SDK2: variants seen among roughly 807,000 people sequenced by gnomAD.
SDK2 encodes the protein protein sidekick-2.
SDK2 carries 105 observed loss-of-function variants against 253.9 expected under a neutral mutation model. That is an observed-to-expected ratio of 0.41 (90% CI 0.35 to 0.49). SDK2 has a LOEUF of 0.49. Among genes scored for constraint, SDK2 ranks in the 20% least tolerant of loss-of-function variants. SDK2 has a pLI of 0.06. For missense variants in SDK2, 2,608 were observed against 3,003.0 expected, an observed-to-expected ratio of 0.87 and a Z score of 3.07; for synonymous variants, 1,249 against 1,234.9, an observed-to-expected ratio of 1.01 and a Z score of -0.24.
At chr17:73,497,181 A>T (rs2063848319) in intron 2 of SDK2, among the ~76,000 whole-genome samples, 1 of 152,202 alleles carries the variant, frequency 6.6e-6, no homozygotes, top group African/African-American at 2.4e-5. Context: ...TATAGGCGTG[A>T]GCCACTGCGC....
At chr17:73,598,530 A>C (rs1012210589) in intron 1 of SDK2, among the ~76,000 whole-genome samples, 4 of 152,252 alleles carry the variant, frequency 2.6e-5, no homozygotes, top group African/African-American at 9.6e-5. Flanking sequence ...TTCCCTGGGG[A>C]TGCAGCTCTG....
rs1015647385 is a variant in SDK2 at position 73,609,310 on chromosome 17, A to G, written c.64+34715T>C. ...GGTGGGTACTCATGGAAAGGAGGAGAGAGCCCAGAACTGAGTCCAGAACGC... is the reference window on the plus strand; with the variant it reads ...GGTGGGTACTCATGGAAAGGAGGAGGGAGCCCAGAACTGAGTCCAGAACGC... On this transcript the variant is annotated intron_variant, in intron 1 of 44. Transcript: ENST00000392650. This position sits in a 1 kb window ranked among gnomAD's most constrained non-coding sequence, Gnocchi z 4.4. Among the ~76,000 whole-genome samples, 1 of 152,132 alleles carries G rather than the reference A, an allele frequency of 6.6e-6. No individual in the cohort carries two copies. The highest frequency in any genetic ancestry group is 6.5e-5 in the Admixed American group (1 of 15,288).
intron 1 of SDK2, among the ~76,000 whole-genome samples, chr17:73,580,135 G>A (rs1319712021): frequency 3.3e-5 from 5 of 152,112 alleles, no homozygotes; most frequent in East Asian, 1.9e-4. Flanking sequence ...CCAGGACTGC[G>A]GAACAATTCA....
At chr17:73,525,182 G>C (rs1003899567) in intron 1 of SDK2, among the ~76,000 whole-genome samples, 4 of 152,190 alleles carry the variant, frequency 2.6e-5, no homozygotes, top group African/African-American at 9.6e-5. Flanking sequence ...CATGGGTCTT[G>C]TCCCCAGCTG....
chr17:73,418,790 G>A (rs967322327), intron 16 of SDK2, among the ~76,000 whole-genome samples: 2 of 151,998 alleles, frequency 1.3e-5, no homozygotes, highest in Admixed American at 6.6e-5. Flanking sequence ...TCAATTCTTC[G>A]GCCAGCTGGT....
intron 1 of SDK2, among the ~76,000 whole-genome samples, chr17:73,569,617 T>C (rs189738270): frequency 6.8e-6 from 1 of 146,206 alleles, no homozygotes; most frequent in Non-Finnish European, 1.5e-5. Flanking sequence ...TAAATCAGAA[T>C]TAGTCAGGGC....
At chr17:73,381,619 G>A (rs1568374289) in intron 33 of SDK2, among the ~76,000 whole-genome samples, 3 of 152,164 alleles carry the variant, frequency 2.0e-5, no homozygotes, top group Admixed American at 2.0e-4. Flanking sequence ...AGTGGCTCAT[G>A]CCTGTAATCT....
rs1165232295 is a variant in SDK2, at chr17:73,358,203, A to G, written c.5469T>C (p.Gly1823=). 6.3e-6 allele frequency: 10 copies of G among 1,599,304 alleles called. No homozygotes were observed. The highest frequency in any genetic ancestry group is 7.7e-6 in the Non-Finnish European group (9 of 1,175,904). Residue 1823 remains glycine, a splice_region_variant and synonymous_variant, in exon 40 of 45, where the codon GGT becomes GGC. Transcript: ENST00000392650. ...EANVTTGPGE[G]APGPPGVPII... ...TGGGCACGCCAGGCGGTCCTGGGGC[A>G]CCTGCAGACAGCACACAGAGGCGAG...
At chr17:73,592,512 C>T (rs887046422) in intron 1 of SDK2, among the ~76,000 whole-genome samples, 1 of 152,224 alleles carries the variant, frequency 6.6e-6, no homozygotes. Flanking sequence ...CCCATGCCCC[C>T]GGCAGCACCT....
chr17:73,498,809 G>A (rs1256465342), intron 2 of SDK2, among the ~76,000 whole-genome samples: 3 of 152,172 alleles, frequency 2.0e-5, no homozygotes, highest in Admixed American at 2.0e-4. Flanking sequence ...CTTCTGCAGT[G>A]GCTTAGAAAG....
In SDK2 at chr17:73,401,011, G is replaced by C; in HGVS notation, c.2971+9C>G. The C allele has an allele frequency of 6.4e-7, 1 of 1,565,062 alleles. No individual in the cohort carries two copies. Among genetic ancestry groups the C allele is most frequent in the Non-Finnish European group, 8.7e-7 (1 of 1,154,512 alleles). ...CTCAAAGAGTCCTGCCTTGAGAGTG[G>C]GCACTTACCTGGGGGCACCCCAGAG... On this transcript the variant is annotated intron_variant, in intron 21 of 44. Transcript: ENST00000392650.
At chr17:73,623,075 T>C (rs1463155733) in intron 1 of SDK2, among the ~76,000 whole-genome samples, 1 of 152,246 alleles carries the variant, frequency 6.6e-6, no homozygotes, top group Non-Finnish European at 1.5e-5. Context: ...AGTTCAAATG[T>C]CCCATCTTCC....
At chr17:73,521,119 C>A (rs1303607132) in intron 1 of SDK2, 1 of 149,364 alleles carries the variant, frequency 6.7e-6, no homozygotes, top group Non-Finnish European at 1.5e-5. Context: ...TAGCTCACTG[C>A]AGCCTTGAAC....
chr17:73,401,859 A>G, intron 19 of SDK2, 87 bp downstream of exon 19: 1 of 1,396,650 alleles, frequency 7.2e-7, no homozygotes, highest in Non-Finnish European at 9.8e-7. Context: ...AGCCTGGGAG[A>G]CAAGCCTGGG....
intron 2 of SDK2, among the ~76,000 whole-genome samples, chr17:73,501,471 A>G (rs983454204): frequency 6.6e-6 from 1 of 152,218 alleles, no homozygotes; most frequent in Non-Finnish European, 1.5e-5. Context: ...TGCTCACATG[A>G]GAGAAAGGAT....
At chr17:73,617,682 G>T (rs1163156185) in intron 1 of SDK2, among the ~76,000 whole-genome samples, 1 of 152,128 alleles carries the variant, frequency 6.6e-6, no homozygotes, top group Non-Finnish European at 1.5e-5. Flanking sequence ...GAATTAACTG[G>T]CTCTCCTGAA....
chr17:73,547,881 C>T (rs1340028527), intron 1 of SDK2, among the ~76,000 whole-genome samples: 1 of 152,150 alleles, frequency 6.6e-6, no homozygotes, highest in African/African-American at 2.4e-5. Flanking sequence ...ACTCACAGTT[C>T]CGCAGGCTTA....
Position 73,431,987 on chromosome 17 carries a change from A to C in SDK2, c.1313-318T>G, listed in dbSNP as rs182685948. Among the ~76,000 whole-genome samples, 855 of 152,270 alleles carry C rather than the reference A, an allele frequency of 5.6e-3. 3 individuals carry two copies. Among genetic ancestry groups the C allele is most frequent in the Non-Finnish European group, 9.9e-3 (672 of 68,004 alleles). On this transcript the variant is annotated intron_variant, in intron 10 of 44. Transcript: ENST00000392650. The surrounding 1 kb of genome is among the most constrained non-coding windows in gnomAD (Gnocchi z 5.6). ...CAGTTTCCTGATGACGGTGAGCAGT[A>C]GCCCGGCACAGCCCTCAGAGGCAGC...
At chr17:73,403,008 A>G (rs561033746) in intron 18 of SDK2, among the ~76,000 whole-genome samples, 4 of 152,168 alleles carry the variant, frequency 2.6e-5, no homozygotes, top group African/African-American at 9.6e-5. Flanking sequence ...CATGTTGGCC[A>G]GGCTGGTCTC....
Sources: gnomAD v4.1 joint callset for allele counts (sites outside exome capture counted in the v4.1 genomes callset) on GRCh38, gnomAD v4.1.1 for gene constraint, Gnocchi (gnomAD v3.1) non-coding constraint, MANE v1.5 for transcripts, NCBI Gene and HGNC (gene_info 2026-07-23, HGNC 2026-07-21) for gene names.